The following CCDC33 variants were observed in gnomAD, a reference collection of about 807,000 sequenced individuals.
CCDC33 encodes the protein coiled-coil domain containing 33.
In CCDC33, 94 loss-of-function variants were observed where a neutral mutation model predicts 91.9. The observed-to-expected ratio is 1.02, with a 90% CI of 0.87 to 1.21. The LOEUF (loss-of-function observed/expected upper bound fraction) is 1.21, where lower values mean the gene tolerates loss of function less well. Among genes scored for constraint, CCDC33 ranks in the 50% most tolerant of loss-of-function variants. The pLI is 0.00. For synonymous variants in CCDC33, 396 were observed against 374.5 expected (o/e 1.06, Z -0.66); for missense variants, 940 against 935.5 (o/e 1.00, Z -0.06).
At chr15:74,314,845 C>G (rs1199107573) in intron 11 of CCDC33, among the ~76,000 whole-genome samples, 1 of 152,212 alleles carries the variant, frequency 6.6e-6, no homozygotes, top group Non-Finnish European at 1.5e-5. Context: ...TCTCACATGG[C>G]CCATGTGCAG....
chr15:74,227,988 T>G (rs961777891), intron 2 of CCDC33, among the ~76,000 whole-genome samples: 2 of 148,860 alleles, frequency 1.3e-5, no homozygotes, highest in East Asian at 4.0e-4. Context: ...GAGGCGGGGG[T>G]GGGGGGATGG....
At position 74,251,610 on chromosome 15, in the gene CCDC33, G is replaced by T. The variant is rs149852549; in HGVS notation, c.185+7462G>T. ...GCGCTGCTTCCTCTGTGCATGTGGG[G>T]CAGGCTTGGGATGGCACAGGGGAGG... On this transcript the variant is annotated intron_variant, in intron 2 of 18. Coordinates refer to ENST00000398814, the MANE Select transcript of CCDC33 (RefSeq NM_025055.5). 6.3e-3 allele frequency among the ~76,000 whole-genome samples: 957 copies of T among 152,320 alleles called. 10 individuals carry two copies. The highest frequency in any genetic ancestry group is 0.021 in the African/African-American group (892 of 41,572).
In CCDC33 at chr15:74,330,886, GGA is replaced by G. The variant is rs1416216662; in HGVS notation, c.1546-93_1546-92del. 2.7e-5 allele frequency: 41 copies of G among 1,518,398 alleles called. No individual in the cohort carries two copies. The East Asian group carries it at 9.2e-4, about 34-fold the overall frequency. 94.1% of individuals were successfully genotyped at this position (1,518,398 alleles called of 1,614,324 possible). A position where few individuals can be genotyped will look rare whatever the true frequency, so the allele number is the denominator to read the frequency against. ...CGGAAGAAAGGGGGACCAGCCTGGT[GGA>G]GGATTCAGCAGAGGGGCCGAGGTGG... On this transcript the variant is annotated intron_variant, in intron 13 of 18. Coordinates refer to ENST00000398814, the MANE Select transcript of CCDC33 (RefSeq NM_025055.5).
chr15:74,227,241 A>G (rs1338108357), intron 2 of CCDC33, among the ~76,000 whole-genome samples: 1 of 152,180 alleles, frequency 6.6e-6, no homozygotes, highest in Non-Finnish European at 1.5e-5. Flanking sequence ...AGATCACCAT[A>G]TATTTTGGTC....
chr15:74,243,990 T>C lies in CCDC33; in HGVS notation c.27T>C (p.Thr9=), dbSNP rs1216945367. ...AGCCCTGGCTCTCCCCACAGAACAC[T>C]GAAGACCCAGAGGAGCCCCTGATCG... MGLKNKKN[T]EDPEEPLIAS... The change falls in exon 2 of 19, where the codon ACT becomes ACC. Residue 9 remains threonine (T), a synonymous_variant. Transcript: ENST00000398814. The C allele has an allele frequency of 2.1e-5, 34 of 1,607,986 alleles. No homozygotes were observed. The highest frequency in any genetic ancestry group is 2.7e-5 in the Non-Finnish European group (32 of 1,178,402).
At chr15:74,274,894 G>A (rs1236560135) in intron 7 of CCDC33, among the ~76,000 whole-genome samples, 1 of 152,240 alleles carries the variant, frequency 6.6e-6, no homozygotes, top group Non-Finnish European at 1.5e-5. Context: ...CATGGCAGCT[G>A]GGCCAGGTTG....
rs5813758 is a variant in CCDC33 at position 74,308,354 on chromosome 15, G to GACACACACACACACACACACAC, written c.1290+12409_1290+12410insCACACACACACACACACACACA. 5.2e-4 allele frequency among the ~76,000 whole-genome samples: 74 copies of GACACACACACACACACACACAC among 142,026 alleles called. 1 individual carries two copies. Among genetic ancestry groups the GACACACACACACACACACACAC allele is most frequent in the African/African-American group, 1.6e-3 (60 of 37,962 alleles). The allele number at this position is 142,026 out of a possible 152,430, so 93.2% of individuals were successfully genotyped here. On this transcript the variant is annotated intron_variant, in intron 11 of 18. Coordinates refer to ENST00000398814, the MANE Select transcript of CCDC33 (RefSeq NM_025055.5). The stretch of plus-strand genomic sequence containing the variant: ...AAAGCCCAGTCCATGTGTGCAGACA[G>GACACACACACACACACACACAC]ACAGACACACACACACACACACACA...
chr15:74,287,816 A>G (rs1451215699), intron 10 of CCDC33, among the ~76,000 whole-genome samples: 1 of 152,142 alleles, frequency 6.6e-6, no homozygotes. Context: ...AATCAAAGGA[A>G]GCTTAGGATG....
intron 13 of CCDC33, 93 bp downstream of exon 13, chr15:74,330,844 C>G: frequency 6.6e-7 from 1 of 1,508,464 alleles, no homozygotes; most frequent in Non-Finnish European, 9.1e-7. Context: ...AGAACAGGCA[C>G]AGAGGGAATG....
At chr15:74,328,861 T>C (rs932534822) in intron 11 of CCDC33, among the ~76,000 whole-genome samples, 3 of 152,152 alleles carry the variant, frequency 2.0e-5, no homozygotes, top group Non-Finnish European at 4.4e-5. Context: ...CCCACCCGTA[T>C]GTACACAGCC....
At chr15:74,242,516 A>C (rs1316336450) in intron 1 of CCDC33, among the ~76,000 whole-genome samples, 1 of 152,208 alleles carries the variant, frequency 6.6e-6, no homozygotes, top group Non-Finnish European at 1.5e-5. Flanking sequence ...GATGAGGAAC[A>C]GCCTGCCAGT....
chr15:74,310,324 G>A (rs1025160027), intron 11 of CCDC33, among the ~76,000 whole-genome samples: 1 of 152,052 alleles, frequency 6.6e-6, no homozygotes, highest in Non-Finnish European at 1.5e-5. Context: ...AGATCACGAG[G>A]TCAAGAGATT....
At chr15:74,319,280 C>T (rs1035478754) in intron 11 of CCDC33, among the ~76,000 whole-genome samples, 1 of 152,236 alleles carries the variant, frequency 6.6e-6, no homozygotes, top group Non-Finnish European at 1.5e-5. Context: ...GGCCTCGCTT[C>T]GGGTCGTTCG....
chr15:74,225,658 T>C (rs1354134631), intron 2 of CCDC33, among the ~76,000 whole-genome samples: 2 of 152,114 alleles, frequency 1.3e-5, no homozygotes, highest in Non-Finnish European at 2.9e-5. Context: ...GTTCCATCTC[T>C]GTACAACAAC....
intron 5 of CCDC33, among the ~76,000 whole-genome samples, chr15:74,269,742 C>T (rs571154259): frequency 3.9e-5 from 6 of 152,048 alleles, no homozygotes; most frequent in Non-Finnish European, 5.9e-5. Flanking sequence ...CAGCACCCTG[C>T]CCACTCTCCT....
intron 6 of CCDC33, 57 bp from the exon 7 acceptor site, chr15:74,272,714 G>T: frequency 6.3e-7 from 1 of 1,596,394 alleles, no homozygotes. Flanking sequence ...GGGGCCCTGG[G>T]CTGCCAGGCT....
Position 74,236,879 on chromosome 15 carries a change from GGAGT to G in CCDC33, c.21+143_21+146del, listed in dbSNP as rs2075177104. On this transcript the variant is annotated intron_variant, in intron 1 of 18. Coordinates refer to ENST00000398814, the MANE Select transcript of CCDC33 (RefSeq NM_025055.5). ...CTCAGTTTTCACAGCTGTGAAATGG[GGAGT>G]GAGGTGGTCTCTGTGGCTCTCCCAG... 1.6e-5 allele frequency: 13 copies of G among 789,904 alleles called. No homozygotes were observed. In the South Asian group the frequency reaches 2.1e-4, roughly 13 times the overall value. 48.9% of individuals were successfully genotyped at this position (789,904 alleles called of 1,614,324 possible). A position where few individuals can be genotyped will look rare whatever the true frequency, so the allele number is the denominator to read the frequency against.
At position 74,259,116 on chromosome 15, in the gene CCDC33, G is replaced by A. The variant is rs533325962; in HGVS notation, c.186-3324G>A. Among the ~76,000 whole-genome samples the A allele has an allele frequency of 2.6e-5, 4 of 152,276 alleles. No individual in the cohort carries two copies. In the South Asian group the frequency reaches 8.3e-4, roughly 32 times the overall value. ...GTGGCTGGATTAAATCTGGCCCCGA[G>A]ACAGCAGGCACCACCCACTAGCTCC... On this transcript the variant is annotated intron_variant, in intron 2 of 18. Transcript: ENST00000398814.
intron 1 of CCDC33, among the ~76,000 whole-genome samples, chr15:74,208,208 C>A (rs1183589973): frequency 1.3e-5 from 2 of 152,114 alleles, no homozygotes; most frequent in Admixed American, 1.3e-4. Flanking sequence ...CAGCTCAGAA[C>A]AAAGGTAGCC....
Sources: allele counts gnomAD v4.1 joint callset (sites outside exome capture counted in the v4.1 genomes callset), GRCh38; gene constraint gnomAD v4.1.1; transcripts MANE v1.5; gene names NCBI Gene and HGNC (gene_info 2026-07-23, HGNC 2026-07-21).